Variants in TEX10 observed in about 807,000 individuals in gnomAD.
The protein encoded by TEX10 is testis expressed 10.
In TEX10, 24 loss-of-function variants were observed where a neutral mutation model predicts 104.4. That is an observed-to-expected ratio of 0.23 (90% CI 0.17 to 0.32). The LOEUF is 0.32. Ranked by LOEUF, TEX10 falls within the 10% of genes least tolerant of loss-of-function variation. TEX10 has a pLI of 1.00. For synonymous variants in TEX10, 396 were observed against 393.4 expected (o/e 1.01, Z -0.08); for missense variants, 921 against 1,083.9 (o/e 0.85, Z 2.11).
At chr9:100,306,046 A>AAG (rs780566909) in intron 13 of TEX10, 2 of 152,214 alleles carry the variant, frequency 1.3e-5, no homozygotes, top group Non-Finnish European at 2.9e-5. Context: ...CCAATAAACC[A>AAG]AGAACACGCG....
At chr9:100,341,663 GCCTGTTTCT>G (rs1199710731) in intron 4 of TEX10, among the ~76,000 whole-genome samples, 7 of 152,064 alleles carry the variant, frequency 4.6e-5, no homozygotes. Flanking sequence ...TAACCAGTCT[GCCTGTTTCT>G]CCTCTTATCC....
At position 100,317,803 on chromosome 9, in the gene TEX10, G is replaced by A. The variant is rs560789431; in HGVS notation, c.2202+2462C>T. On this transcript the variant is annotated intron_variant, in intron 11 of 14. Coordinates refer to ENST00000374902, the MANE Select transcript of TEX10 (RefSeq NM_017746.4). The stretch of plus-strand genomic sequence containing the variant: ...CAACAACAAAAAATCAAATAACCCC[G>A]TTAAAAAGTAGACAAAAGGATATGA... Among the ~76,000 whole-genome samples the A allele has an allele frequency of 5.9e-5, 9 of 152,030 alleles. No homozygotes were observed. The South Asian group carries it at 1.2e-3, about 21-fold the overall frequency.
chr9:100,345,102 T>C (rs1411573365), intron 4 of TEX10, among the ~76,000 whole-genome samples: 1 of 152,242 alleles, frequency 6.6e-6, no homozygotes, highest in African/African-American at 2.4e-5. Flanking sequence ...TCTTACATTA[T>C]AGCCCTATTA....
chr9:100,327,673 A>T, intron 8 of TEX10, 114 bp downstream of exon 8: 1 of 641,188 alleles, frequency 1.6e-6, no homozygotes, highest in Non-Finnish European at 2.4e-6. Context: ...TAACCATGGT[A>T]TTACTAATTC....
At chr9:100,310,515 C>T (rs1242173957) in intron 11 of TEX10, 136 bp from the exon 12 acceptor site, 8 of 741,290 alleles carry the variant, frequency 1.1e-5, no homozygotes, top group Admixed American at 2.8e-5. Context: ...CTCAGCTCAC[C>T]GCAACCCCCG....
rs552603479 is a variant in TEX10, at chr9:100,350,879, A to G, written c.-9-1507T>C. Among the ~76,000 whole-genome samples the G allele has an allele frequency of 2.6e-5, 4 of 152,332 alleles. No individual in the cohort carries two copies. In the South Asian group the frequency reaches 8.3e-4, roughly 32 times the overall value. On this transcript the variant is annotated intron_variant, in intron 1 of 14. Coordinates refer to ENST00000374902, the MANE Select transcript of TEX10 (RefSeq NM_017746.4). ...CCACAGGTTAAGAACCAATTCTACA[A>G]CCAGATTGATTAGGCTTTTATCCAA...
At chr9:100,329,002 C>T in intron 7 of TEX10, 138 bp downstream of exon 7, 1 of 963,694 alleles carries the variant, frequency 1.0e-6, no homozygotes, top group Non-Finnish European at 1.5e-6. Context: ...AATTTTATAC[C>T]ATTTCTTAAA....
At chr9:100,346,537 A>C (rs191503105) in intron 3 of TEX10, among the ~76,000 whole-genome samples, 157 bp downstream of exon 3, 13 of 152,334 alleles carry the variant, frequency 8.5e-5, no homozygotes, top group Admixed American at 7.2e-4. Flanking sequence ...ATTAACATAC[A>C]AATAACTCTT....
intron 11 of TEX10, among the ~76,000 whole-genome samples, chr9:100,313,860 AAAG>A (rs1162359245): frequency 6.6e-6 from 1 of 151,886 alleles, no homozygotes; most frequent in African/African-American, 2.4e-5. Flanking sequence ...AAAAAAAAAA[AAAG>A]AGACACACAC....
rs530794300 is a variant in TEX10, at chr9:100,304,785, G to A, written c.2466-943C>T. The A allele has an allele frequency of 2.6e-5, 4 of 151,064 alleles. No homozygotes were observed. The East Asian group carries it at 7.8e-4, about 30-fold the overall frequency. 9.4% of individuals were successfully genotyped at this position (151,064 alleles called of 1,614,324 possible). On this transcript the variant is annotated intron_variant, in intron 13 of 14. Transcript: ENST00000374902. ...AGGCAGGAGAATTGCTTGAATCCGGGAGGTGGAGGTTGTAGTGAGCCGAGA... is the reference window on the plus strand; with the variant it reads ...AGGCAGGAGAATTGCTTGAATCCGGAAGGTGGAGGTTGTAGTGAGCCGAGA...
chr9:100,317,962 G>A (rs187986363), intron 11 of TEX10, among the ~76,000 whole-genome samples: 67 of 151,972 alleles, frequency 4.4e-4, no homozygotes, highest in Admixed American at 2.0e-3. Flanking sequence ...TGGCTATTAA[G>A]AAGACAAAAA....
At chr9:100,307,774 A>G (rs1168127688) in intron 13 of TEX10, 1 of 152,196 alleles carries the variant, frequency 6.6e-6, no homozygotes, top group Admixed American at 6.5e-5. Context: ...GGTTCAGTTT[A>G]TAATTACCTT....
intron 10 of TEX10, 57 bp from the exon 11 acceptor site, chr9:100,320,455 CT>C (rs1317408865): frequency 6.6e-7 from 1 of 1,515,752 alleles, no homozygotes; most frequent in Non-Finnish European, 8.9e-7. Context: ...AAAACAATGA[CT>C]TTCTTAAAAA....
chr9:100,321,286 TC>T, intron 10 of TEX10, among the ~76,000 whole-genome samples: 1 of 152,192 alleles, frequency 6.6e-6, no homozygotes, highest in Non-Finnish European at 1.5e-5. Flanking sequence ...CTATATTAAC[TC>T]TCCTAATTTC....
At chr9:100,303,098 A>T (rs944532602) in intron 14 of TEX10, among the ~76,000 whole-genome samples, 1 of 152,226 alleles carries the variant, frequency 6.6e-6, no homozygotes, top group African/African-American at 2.4e-5. Flanking sequence ...CCTGAAGTTT[A>T]TTCCTGCTAA....
intron 5 of TEX10, among the ~76,000 whole-genome samples, chr9:100,337,807 C>T (rs1490231748): frequency 1.3e-5 from 2 of 152,190 alleles, no homozygotes; most frequent in Non-Finnish European, 2.9e-5. Flanking sequence ...TGCATTTCTG[C>T]CTCCTGAAAC....
At chr9:100,320,175 C>T in intron 11 of TEX10, 90 bp downstream of exon 11, 2 of 1,213,982 alleles carry the variant, frequency 1.6e-6, no homozygotes, top group Admixed American at 6.1e-5. Context: ...TTGAAAAGAT[C>T]TCACACAAGG....
chr9:100,344,773 G>A (rs1365227762), intron 4 of TEX10, among the ~76,000 whole-genome samples: 1 of 152,200 alleles, frequency 6.6e-6, no homozygotes, highest in Non-Finnish European at 1.5e-5. Context: ...TTGAACCCAG[G>A]AGGTGGAGGT....
chr9:100,308,445 G>T, intron 13 of TEX10, 55 bp downstream of exon 13: 1 of 1,435,232 alleles, frequency 7.0e-7, no homozygotes, highest in Non-Finnish European at 9.4e-7. Context: ...TTATTATTTG[G>T]TTGGGGGAGG....
Sources: gnomAD v4.1 joint callset for allele counts (sites outside exome capture counted in the v4.1 genomes callset) on GRCh38, gnomAD v4.1.1 for gene constraint, MANE v1.5 for transcripts, NCBI Gene and HGNC (gene_info 2026-07-23, HGNC 2026-07-21) for gene names.